The following SLC43A1 variants were observed in gnomAD, a reference collection of about 807,000 sequenced individuals.
SLC43A1 encodes the protein solute carrier family 43 member 1.
Under a neutral mutation model 59.5 loss-of-function variants are expected in SLC43A1, and 31 were observed. That is an observed-to-expected ratio of 0.52 (90% CI 0.39 to 0.70). SLC43A1 has a LOEUF of 0.70. Among genes scored for constraint, SLC43A1 ranks in the 30% least tolerant of loss-of-function variants. SLC43A1 has a pLI of 0.00. For missense variants in SLC43A1, 598 were observed against 717.8 expected (o/e 0.83, Z 1.91); for synonymous variants, 259 against 290.9 (o/e 0.89, Z 1.12).
chr11:57,492,971 C>A (rs182970529), intron 8 of SLC43A1, among the ~76,000 whole-genome samples: 1 of 151,542 alleles, frequency 6.6e-6, no homozygotes, highest in Non-Finnish European at 1.5e-5. Flanking sequence ...ACCCGGGAGG[C>A]GGAGGTTGCA....
chr11:57,506,536 AAAAC>A (rs1590776560), intron 2 of SLC43A1, among the ~76,000 whole-genome samples: 1 of 152,268 alleles, frequency 6.6e-6, no homozygotes, highest in Non-Finnish European at 1.5e-5. Context: ...CCTTGTCTCA[AAAAC>A]AAACAAACAA....
chr11:57,511,301 G>A (rs1220528148), intron 2 of SLC43A1, among the ~76,000 whole-genome samples: 1 of 151,854 alleles, frequency 6.6e-6, no homozygotes, highest in African/African-American at 2.4e-5. Flanking sequence ...GTTGATGCGG[G>A]CCTGTAGTCC....
At chr11:57,509,713 G>A (rs1265653569) in intron 2 of SLC43A1, among the ~76,000 whole-genome samples, 1 of 133,956 alleles carries the variant, frequency 7.5e-6, no homozygotes, top group East Asian at 2.1e-4. Context: ...AGAGAGGGAG[G>A]GAGGGAAAGA....
chr11:57,485,050 C>G lies in SLC43A1; in HGVS notation c.*46G>C, dbSNP rs756985315. On this transcript the variant is annotated 3_prime_UTR_variant, in exon 15 of 15. Transcript: ENST00000278426. Reference sequence around the variant, plus strand: ...CCATATGGGGCACTCCTTTTGGTTGCTCAGGCCTTGATTGCCTGTCATCCA... The same window carrying G: ...CCATATGGGGCACTCCTTTTGGTTGGTCAGGCCTTGATTGCCTGTCATCCA... 1 of 1,574,412 alleles carries G rather than the reference C, an allele frequency of 6.4e-7. No homozygotes were observed. Among genetic ancestry groups the G allele is most frequent in the African/African-American group, 1.4e-5 (1 of 73,628 alleles).
intron 11 of SLC43A1, among the ~76,000 whole-genome samples, chr11:57,490,309 TA>T (rs1554980954): frequency 0.015 from 1,204 of 78,630 alleles, 12 homozygotes; most frequent in African/African-American, 0.041. Flanking sequence ...ACTGTCTCAA[TA>T]AAAAAAAAAA....
chr11:57,508,511 C>T (rs750888718), intron 2 of SLC43A1, among the ~76,000 whole-genome samples: 5 of 152,186 alleles, frequency 3.3e-5, no homozygotes, highest in Admixed American at 3.3e-4. Context: ...GATCAGGCAA[C>T]AGCACCCACA....
chr11:57,509,361 G>A (rs1008431387), intron 2 of SLC43A1, among the ~76,000 whole-genome samples: 16 of 151,958 alleles, frequency 1.1e-4, no homozygotes, highest in East Asian at 1.9e-4. Flanking sequence ...AGGCCAAGGC[G>A]GGTGGATCAC....
intron 2 of SLC43A1, among the ~76,000 whole-genome samples, chr11:57,502,914 A>T (rs1230168167): frequency 6.6e-6 from 1 of 151,918 alleles, no homozygotes; most frequent in Non-Finnish European, 1.5e-5. Flanking sequence ...GAAAAAGGAA[A>T]CAAAAAAACC....
At chr11:57,497,357 C>T (rs942575940) in intron 6 of SLC43A1, among the ~76,000 whole-genome samples, 1 of 152,232 alleles carries the variant, frequency 6.6e-6, no homozygotes, top group Non-Finnish European at 1.5e-5. Context: ...GACCAAACCA[C>T]CCATCCTCTC....
intron 2 of SLC43A1, among the ~76,000 whole-genome samples, chr11:57,510,458 A>AG (rs1944510054): frequency 1.3e-5 from 1 of 78,192 alleles, no homozygotes; most frequent in South Asian, 3.9e-4. Context: ...ACTCCATCTC[A>AG]AAAAAAAAAA....
intron 7 of SLC43A1, 131 bp downstream of exon 7, chr11:57,495,900 G>T: frequency 9.9e-7 from 1 of 1,012,338 alleles, no homozygotes; most frequent in Non-Finnish European, 1.4e-6. Flanking sequence ...AGCAGAGCTT[G>T]GAGGGCTCAA....
chr11:57,502,629 G>C (rs1468899815), intron 2 of SLC43A1, among the ~76,000 whole-genome samples: 1 of 152,142 alleles, frequency 6.6e-6, no homozygotes, highest in Non-Finnish European at 1.5e-5. Flanking sequence ...TCAGGACTTT[G>C]GGAGGCCAAG....
intron 2 of SLC43A1, among the ~76,000 whole-genome samples, chr11:57,512,116 T>C (rs1944563601): frequency 6.6e-6 from 1 of 152,190 alleles, no homozygotes; most frequent in African/African-American, 2.4e-5. Flanking sequence ...TATTTAAAAA[T>C]GCAGGTGGAG....
At chr11:57,504,021 A>C (rs56970823) in intron 2 of SLC43A1, among the ~76,000 whole-genome samples, 1 of 151,836 alleles carries the variant, frequency 6.6e-6, no homozygotes, top group Non-Finnish European at 1.5e-5. Context: ...GTGAAACCCC[A>C]TCTCTACTAA....
At chr11:57,496,197 A>C in intron 6 of SLC43A1, 33 bp from the exon 7 acceptor site, 1 of 1,611,234 alleles carries the variant, frequency 6.2e-7, no homozygotes, top group Non-Finnish European at 8.5e-7. Flanking sequence ...CGTGGGGGAG[A>C]CTGCCTGGCC....
intron 2 of SLC43A1, among the ~76,000 whole-genome samples, chr11:57,509,897 A>T (rs2135223355): frequency 6.6e-6 from 1 of 152,358 alleles, no homozygotes; most frequent in Middle Eastern, 3.4e-3. Context: ...ACCAAAAGAA[A>T]GTGAAAGACA....
At chr11:57,502,802 C>A (rs571144059) in intron 2 of SLC43A1, among the ~76,000 whole-genome samples, 1 of 148,468 alleles carries the variant, frequency 6.7e-6, no homozygotes, top group African/African-American at 2.5e-5. Context: ...TGAGCCCGGG[C>A]GGTCGAGGCT....
At chr11:57,507,165 A>G (rs911452814) in intron 2 of SLC43A1, among the ~76,000 whole-genome samples, 1 of 152,178 alleles carries the variant, frequency 6.6e-6, no homozygotes. Flanking sequence ...CTGTCTCTAC[A>G]AAAAATAAAA....
In SLC43A1 at chr11:57,501,086, C is replaced by G. The variant is rs756203629; in HGVS notation, c.333-43G>C. ...AGGGCGAGGGGTTGGCCTGTGAGCA[C>G]CCCCCCTCCCCTCCCCCTGCAGCAC... On this transcript the variant is annotated intron_variant, in intron 3 of 14. Coordinates refer to ENST00000278426, the MANE Select transcript of SLC43A1 (RefSeq NM_003627.6). 5.0e-6 allele frequency: 8 copies of G among 1,600,494 alleles called. No individual in the cohort carries two copies. The South Asian group carries it at 7.8e-5, about 16-fold the overall frequency.
Sources: allele counts gnomAD v4.1 joint callset (sites outside exome capture counted in the v4.1 genomes callset), GRCh38; gene constraint gnomAD v4.1.1; transcripts MANE v1.5; gene names NCBI Gene and HGNC (gene_info 2026-07-23, HGNC 2026-07-21).